Variants in GSDME observed in about 807,000 individuals in gnomAD.
GSDME encodes the protein gasdermin-E.
GSDME carries 44 observed loss-of-function variants against 47.5 expected under a neutral mutation model. The observed-to-expected ratio is 0.93, with a 90% confidence interval of 0.73 to 1.19. The LOEUF is 1.19. Ranked by LOEUF, GSDME falls within the 50% of genes most tolerant of loss-of-function variation. GSDME has a pLI of 0.00. For synonymous variants in GSDME, 258 were observed against 252.8 expected, an observed-to-expected ratio of 1.02 and a Z score of -0.20; for missense variants, 663 against 604.2, an observed-to-expected ratio of 1.10 and a Z score of -1.02.
Position 24,699,351 on chromosome 7 carries a change from A to C in GSDME, c.1258-92T>G, listed in dbSNP as rs1343039054. ...GCACTTGTAGGTAATTCTGGGGGAAAAAACTTTTTGAGATGGAGTCTTGCT... is the reference window on the plus strand; with the variant it reads ...GCACTTGTAGGTAATTCTGGGGGAACAAACTTTTTGAGATGGAGTCTTGCT... On this transcript the variant is annotated intron_variant, in intron 9 of 9. Coordinates refer to ENST00000645220, the MANE Select transcript of GSDME (RefSeq NM_001127453.2). 4.1e-6 allele frequency: 4 copies of C among 984,828 alleles called. No individual in the cohort carries two copies. The East Asian group carries it at 1.0e-4, about 25-fold the overall frequency. The allele number at this position is 984,828 out of a possible 1,614,324, so 61.0% of individuals were successfully genotyped here.
At chr7:24,784,400 C>T in the GSDME span, among the ~76,000 whole-genome samples, 3 of 152,122 alleles carry the variant, frequency 2.0e-5, no homozygotes, top group African/African-American at 7.2e-5. Flanking sequence ...AGTCAGAGTT[C>T]CAAAGCCTCA....
Position 24,754,263 on chromosome 7 carries a change from G to A in GSDME, c.-20+3133C>T, listed in dbSNP as rs898642409. Among the ~76,000 whole-genome samples the A allele has an allele frequency of 7.9e-5, 12 of 152,094 alleles. No individual in the cohort carries two copies. In the South Asian group the frequency reaches 2.5e-3, roughly 32 times the overall value. Reference sequence around the variant, plus strand: ...GCACTTTGGGAGGCCGAGGTGGGGCGGATCACCTAGGTCAGGAGTTTGAAA... The same window carrying A: ...GCACTTTGGGAGGCCGAGGTGGGGCAGATCACCTAGGTCAGGAGTTTGAAA... On this transcript the variant is annotated intron_variant, in intron 1 of 9. Transcript: ENST00000645220. This position sits in a 1 kb window ranked among gnomAD's most constrained non-coding sequence, Gnocchi z 5.0.
At chr7:24,793,784 CTTTT>C in the GSDME span, among the ~76,000 whole-genome samples, 2 of 142,284 alleles carry the variant, frequency 1.4e-5, no homozygotes, top group African/African-American at 2.6e-5. Flanking sequence ...CCCCCCTTTT[CTTTT>C]TTTTTTTTTT....
At chr7:24,762,538 C>T (rs899112270), upstream of GSDME, among the ~76,000 whole-genome samples, 1 of 152,072 alleles carries the variant, frequency 6.6e-6, no homozygotes, top group African/African-American at 2.4e-5. Context: ...GCCCATGCAC[C>T]TAACATCTTT....
rs977302121 is a variant in GSDME at position 24,728,005 on chromosome 7, G to A, written c.405-8787C>T. 3.3e-5 allele frequency among the ~76,000 whole-genome samples: 5 copies of A among 152,166 alleles called. No homozygotes were observed. Among genetic ancestry groups the A allele is most frequent in the Admixed American group, 6.5e-5 (1 of 15,282 alleles). ...CTAGCTGCCGTCCCCAGCACTGTTC[G>A]GGAGCTAGGGGGGCTGTAACGGGAG... On this transcript the variant is annotated intron_variant, in intron 3 of 9. Transcript: ENST00000645220. This position sits in a 1 kb window ranked among gnomAD's most constrained non-coding sequence, Gnocchi z 7.2.
At chr7:24,713,034 G>A (rs1789417135) in intron 5 of GSDME, among the ~76,000 whole-genome samples, 3 of 151,598 alleles carry the variant, frequency 2.0e-5, no homozygotes. Flanking sequence ...AAAAAAAAAG[G>A]GAAAAGCACG....
chr7:24,762,465 T>C (rs1321221015), upstream of GSDME, among the ~76,000 whole-genome samples: 1 of 152,092 alleles, frequency 6.6e-6, no homozygotes, highest in East Asian at 1.9e-4. Flanking sequence ...TTTCATCTGA[T>C]TATCGTTATT....
intron 1 of GSDME, among the ~76,000 whole-genome samples, chr7:24,755,652 A>C (rs577253192): frequency 6.6e-6 from 1 of 152,354 alleles, no homozygotes; most frequent in East Asian, 1.9e-4. Context: ...ATAGAGAATC[A>C]GTGCTGAGCC....
At chr7:24,764,429 G>T in the GSDME span, among the ~76,000 whole-genome samples, 1 of 152,082 alleles carries the variant, frequency 6.6e-6, no homozygotes, top group Non-Finnish European at 1.5e-5. This position sits in a 1 kb window ranked among gnomAD's most constrained non-coding sequence, Gnocchi z 4.4. Flanking sequence ...CTCCCCCAAA[G>T]AACTGTACCT....
At chr7:24,765,531 G>C in the GSDME span, among the ~76,000 whole-genome samples, 2 of 152,164 alleles carry the variant, frequency 1.3e-5, no homozygotes, top group African/African-American at 4.8e-5. Context: ...TAAGGCAGCT[G>C]TGCAGCTGTG....
rs1193858687 is a variant in GSDME at position 24,712,830 on chromosome 7, C to T, written c.698-2442G>A. Among the ~76,000 whole-genome samples, 1 of 152,096 alleles carries T rather than the reference C, an allele frequency of 6.6e-6. No homozygotes were observed. The highest frequency in any genetic ancestry group is 1.5e-5 in the Non-Finnish European group (1 of 68,020). On this transcript the variant is annotated intron_variant, in intron 5 of 9. Coordinates refer to ENST00000645220, the MANE Select transcript of GSDME (RefSeq NM_001127453.2). The surrounding 1 kb of genome is among the most constrained non-coding windows in gnomAD (Gnocchi z 4.4). ...GGTCAGGAGTTTGAGACCAGCCTGA[C>T]CAACATGGAGAAACCTCGTCTTTAC...
chr7:24,719,248 T>TA, intron 3 of GSDME, 30 bp from the exon 4 acceptor site: 2 of 1,602,386 alleles, frequency 1.2e-6, no homozygotes, highest in Non-Finnish European at 1.7e-6. Context: ...GTGAGTGGCT[T>TA]AGTGCCTCAG....
At chr7:24,759,876 T>A (rs1791140017), upstream of GSDME, among the ~76,000 whole-genome samples, 2 of 152,242 alleles carry the variant, frequency 1.3e-5, no homozygotes, top group Admixed American at 6.5e-5. Context: ...ATAACTTTTT[T>A]AAAAAAATAA....
chr7:24,771,678 A>G, the GSDME span, among the ~76,000 whole-genome samples: 1 of 152,182 alleles, frequency 6.6e-6, no homozygotes, highest in African/African-American at 2.4e-5. This position sits in a 1 kb window ranked among gnomAD's most constrained non-coding sequence, Gnocchi z 4.1. Flanking sequence ...AGCTTGGAAA[A>G]GAGTGTCAAG....
chr7:24,726,850 A>G lies in GSDME; in HGVS notation c.405-7632T>C, dbSNP rs946882179. The stretch of plus-strand genomic sequence containing the variant: ...CAATGGCCTCGAGGAAGAGTTTCCA[A>G]TGGAAACCCTGGGGAGCCTGGTAAG... On this transcript the variant is annotated intron_variant, in intron 3 of 9. Transcript: ENST00000645220. This position sits in a 1 kb window ranked among gnomAD's most constrained non-coding sequence, Gnocchi z 5.6. Among the ~76,000 whole-genome samples, 1 of 151,538 alleles carries G rather than the reference A, an allele frequency of 6.6e-6. No individual in the cohort carries two copies.
chr7:24,758,569 A>T (rs373231645), upstream of GSDME, among the ~76,000 whole-genome samples: 4 of 152,308 alleles, frequency 2.6e-5, no homozygotes, highest in East Asian at 7.7e-4. This position sits in a 1 kb window ranked among gnomAD's most constrained non-coding sequence, Gnocchi z 4.6. Flanking sequence ...GAGCTCACAC[A>T]GTATGGAGTT....
chr7:24,778,309 G>A, the GSDME span, among the ~76,000 whole-genome samples: 1 of 152,044 alleles, frequency 6.6e-6, no homozygotes, highest in Non-Finnish European at 1.5e-5. The surrounding 1 kb of genome is among the most constrained non-coding windows in gnomAD (Gnocchi z 5.6). Context: ...CTGGGGCCTA[G>A]AAGCCTGGCC....
At chr7:24,785,451 T>TTTTG in the GSDME span, among the ~76,000 whole-genome samples, 5 of 152,180 alleles carry the variant, frequency 3.3e-5, no homozygotes, top group Non-Finnish European at 5.9e-5. Context: ...TAATTCACTT[T>TTTTG]TTTGTTTGTT....
rs768626792 is a variant in GSDME at position 24,744,652 on chromosome 7, C to T, written c.314G>A (p.Gly105Asp). ...AGACTGGCTCTCTACGCGGCTGCTG[C>T]CCCCCAGGTTCAGCTTGACCTTCCC... ...ALGKVKLNLG[G>D]SSRVESQSSF... The change falls in exon 3 of 10, where the codon GGC (glycine) becomes GAC (aspartate). Residue 105 changes from glycine (G) to aspartate (D), a missense_variant. Transcript: ENST00000645220. This position sits in a 1 kb window ranked among gnomAD's most constrained non-coding sequence, Gnocchi z 4.5. The T allele has an allele frequency of 6.2e-7, 1 of 1,614,158 alleles. No homozygotes were observed.
Sources: gnomAD v4.1 joint callset for allele counts (sites outside exome capture counted in the v4.1 genomes callset) on GRCh38, gnomAD v4.1.1 for gene constraint, Gnocchi (gnomAD v3.1) non-coding constraint, MANE v1.5 for transcripts, NCBI Gene and HGNC (gene_info 2026-07-23, HGNC 2026-07-21) for gene names.